PLEKHH2: variants seen among roughly 807,000 people sequenced by gnomAD.
PLEKHH2 encodes pleckstrin homology, MyTH4 and FERM domain containing H2.
A neutral mutation model predicts 187.9 loss-of-function variants in PLEKHH2; 129 were observed. That is an observed-to-expected ratio of 0.69 (90% CI 0.59 to 0.79). The LOEUF (loss-of-function observed/expected upper bound fraction) is 0.79. PLEKHH2 is among the 30% of genes least tolerant of loss of function. PLEKHH2 has a pLI of 0.00. For missense variants in PLEKHH2, 2,076 were observed against 1,751.2 expected, an observed-to-expected ratio of 1.19 and a Z score of -3.31; for synonymous variants, 686 against 605.6, an observed-to-expected ratio of 1.13 and a Z score of -1.95.
At chr2:43,660,416 A>G (rs554949927) in intron 2 of PLEKHH2, among the ~76,000 whole-genome samples, 2 of 145,298 alleles carry the variant, frequency 1.4e-5, no homozygotes, top group East Asian at 4.1e-4. Context: ...TTATAGGTCT[A>G]TGGTAAACAT....
chr2:43,673,712 GTGT>G (rs1289057510), intron 2 of PLEKHH2, among the ~76,000 whole-genome samples: 2 of 152,188 alleles, frequency 1.3e-5, no homozygotes, highest in Non-Finnish European at 2.9e-5. Context: ...TGTGAAATAA[GTGT>G]TGTATCATTT....
At chr2:43,758,367 C>A (rs1324022500) in intron 26 of PLEKHH2, among the ~76,000 whole-genome samples, 4 of 152,166 alleles carry the variant, frequency 2.6e-5, no homozygotes, top group Non-Finnish European at 2.9e-5. Context: ...ATTCTCCCAC[C>A]TCAGCCTCCC....
chr2:43,640,282 A>G (rs752850133), intron 1 of PLEKHH2, among the ~76,000 whole-genome samples: 16 of 150,764 alleles, frequency 1.1e-4, no homozygotes, highest in Admixed American at 2.7e-4. Flanking sequence ...ATCATAGCTC[A>G]CTGCTCAAGT....
intron 4 of PLEKHH2, among the ~76,000 whole-genome samples, chr2:43,693,632 G>A (rs1668938122): frequency 6.8e-6 from 1 of 148,018 alleles, no homozygotes; most frequent in African/African-American, 2.5e-5. Flanking sequence ...GCTGACGCAG[G>A]AGAGCGGCGT....
intron 7 of PLEKHH2, among the ~76,000 whole-genome samples, chr2:43,698,923 T>A (rs1669223720): frequency 6.6e-6 from 1 of 152,202 alleles, no homozygotes; most frequent in Non-Finnish European, 1.5e-5. Flanking sequence ...AAACCAAAAG[T>A]AGAGCAAGGA....
At chr2:43,723,200 A>T (rs6711397) in intron 16 of PLEKHH2, among the ~76,000 whole-genome samples, 93,062 of 152,052 alleles carry the variant, frequency 0.61, 29,964 homozygotes, top group African/African-American at 0.8. Flanking sequence ...TCATCCTATT[A>T]TTAAAAGCTT....
chr2:43,649,930 G>A (rs940343489), intron 2 of PLEKHH2, among the ~76,000 whole-genome samples: 2 of 152,086 alleles, frequency 1.3e-5, no homozygotes, highest in East Asian at 1.9e-4. Flanking sequence ...ACAATGAGAG[G>A]CTCTGTAAGT....
At chr2:43,714,899 C>G (rs924081619) in intron 15 of PLEKHH2, among the ~76,000 whole-genome samples, 12 of 152,046 alleles carry the variant, frequency 7.9e-5, no homozygotes, top group African/African-American at 2.9e-4. Context: ...TTACCTGTGC[C>G]GAGTCTTCAA....
chr2:43,745,784 A>G (rs1340796325), intron 23 of PLEKHH2, 82 bp from the exon 24 acceptor site: 1 of 1,011,490 alleles, frequency 9.9e-7, no homozygotes, highest in Non-Finnish European at 1.4e-6. Context: ...TAATTGAAAA[A>G]TTTCAGTCTG....
chr2:43,637,830 C>G (rs1703187206), intron 1 of PLEKHH2, among the ~76,000 whole-genome samples: 1 of 152,206 alleles, frequency 6.6e-6, no homozygotes, highest in Non-Finnish European at 1.5e-5. Context: ...ACTTTAAACT[C>G]AAAACTTTAA....
intron 2 of PLEKHH2, among the ~76,000 whole-genome samples, chr2:43,668,636 T>C (rs1667340697): frequency 6.6e-6 from 1 of 152,176 alleles, no homozygotes; most frequent in African/African-American, 2.4e-5. Context: ...GAAGGTTCTC[T>C]AAAGTACAAT....
At chr2:43,733,939 A>G (rs1227845432) in intron 19 of PLEKHH2, among the ~76,000 whole-genome samples, 1 of 152,248 alleles carries the variant, frequency 6.6e-6, no homozygotes, top group Non-Finnish European at 1.5e-5. Context: ...GGTCAATTTT[A>G]TAAGAAAATA....
chr2:43,749,978 G>T (rs897619978), intron 24 of PLEKHH2, among the ~76,000 whole-genome samples: 1 of 152,194 alleles, frequency 6.6e-6, no homozygotes, highest in South Asian at 2.1e-4. Context: ...ATAGACAACC[G>T]TTGGCAACTA....
chr2:43,666,463 C>G (rs12991195), intron 2 of PLEKHH2, among the ~76,000 whole-genome samples: 1 of 148,152 alleles, frequency 6.7e-6, no homozygotes, highest in Admixed American at 6.6e-5. Context: ...AGCTGTAGAC[C>G]GGAGCTGTTC....
chr2:43,675,489 C>T, intron 2 of PLEKHH2: 1 of 1,614,006 alleles, frequency 6.2e-7, no homozygotes, highest in Non-Finnish European at 8.5e-7. Flanking sequence ...TTTGGGGGGT[C>T]AGTCCATTGA....
At chr2:43,649,728 G>T (rs1380676672) in intron 2 of PLEKHH2, among the ~76,000 whole-genome samples, 1 of 152,194 alleles carries the variant, frequency 6.6e-6, no homozygotes, top group African/African-American at 2.4e-5. Flanking sequence ...ACTGGTTGAA[G>T]ATATTATTTA....
intron 2 of PLEKHH2, among the ~76,000 whole-genome samples, chr2:43,668,720 C>G (rs1029795174): frequency 2.0e-5 from 3 of 152,210 alleles, no homozygotes; most frequent in African/African-American, 7.2e-5. Context: ...TGTCTGTAGT[C>G]TCAGCTACTG....
chr2:43,656,352 A>T (rs1666760468), intron 2 of PLEKHH2, among the ~76,000 whole-genome samples: 1 of 152,184 alleles, frequency 6.6e-6, no homozygotes, highest in Non-Finnish European at 1.5e-5. Context: ...CAGTTTGTGG[A>T]ATGGAAAGTT....
At chr2:43,723,376 G>A (rs1413434978) in intron 16 of PLEKHH2, among the ~76,000 whole-genome samples, 7 of 152,146 alleles carry the variant, frequency 4.6e-5, no homozygotes, top group African/African-American at 7.2e-5. Flanking sequence ...AGACATAAAG[G>A]TGAACACTTA....
Sources: allele counts gnomAD v4.1 joint callset (sites outside exome capture counted in the v4.1 genomes callset), GRCh38; gene constraint gnomAD v4.1.1; transcripts MANE v1.5; gene names NCBI Gene and HGNC (gene_info 2026-07-23, HGNC 2026-07-21).